Variants in STK36 observed in about 807,000 individuals in gnomAD.
STK36 encodes serine/threonine-protein kinase 36.
In STK36, 116 loss-of-function variants were observed where a neutral mutation model predicts 142.2. That is an observed-to-expected ratio of 0.82 (90% confidence interval 0.70 to 0.95). The LOEUF (loss-of-function observed/expected upper bound fraction) is 0.95. Among genes scored for constraint, STK36 ranks in the 40% least tolerant of loss-of-function variants. The pLI is 0.00. For synonymous variants in STK36, 619 were observed against 641.7 expected (o/e 0.96, Z 0.53); for missense variants, 1,422 against 1,617.2 (o/e 0.88, Z 2.07).
At chr2:218,690,195 G>C (rs1575135557) in intron 13 of STK36, among the ~76,000 whole-genome samples, 1 of 152,040 alleles carries the variant, frequency 6.6e-6, no homozygotes, top group African/African-American at 2.4e-5. Flanking sequence ...GAAGGGTCAA[G>C]ATGTGAATAA....
At chr2:218,697,284 G>C (rs932025806) in intron 23 of STK36, 71 bp downstream of exon 23, 4 of 1,551,128 alleles carry the variant, frequency 2.6e-6, no homozygotes, top group Non-Finnish European at 3.5e-6. Context: ...CCAGAACTGG[G>C]TTAACCCACA....
In STK36 at chr2:218,680,641, C is replaced by A. The variant is rs182802543; in HGVS notation, c.1175C>A (p.Pro392Gln). Reference protein sequence around the residue: ...RTTPDCERAFPEERPEVLGQR... With the variant: ...RTTPDCERAFQEERPEVLGQR... Reference sequence around the variant, plus strand: ...ACCCCAGATTGTGAACGAGCATTCCCAGAGGAGAGGCCAGAGGTGCTGGGC... The same window carrying A: ...ACCCCAGATTGTGAACGAGCATTCCAAGAGGAGAGGCCAGAGGTGCTGGGC... Residue 392 changes from proline (P) to glutamine (Q), a missense_variant, in exon 10 of 27, where the codon CCA becomes CAA. Coordinates refer to ENST00000295709, the MANE Select transcript of STK36 (RefSeq NM_015690.5). The A allele has an allele frequency of 4.3e-6, 7 of 1,613,662 alleles. No homozygotes were observed. The South Asian group carries it at 4.4e-5, about 10-fold the overall frequency.
At chr2:218,679,785 G>T in intron 8 of STK36, 56 bp downstream of exon 8, 1 of 1,610,888 alleles carries the variant, frequency 6.2e-7, no homozygotes, top group Non-Finnish European at 8.5e-7. Flanking sequence ...TGGGGAGTTA[G>T]AGGAGGAGGG....
intron 14 of STK36, among the ~76,000 whole-genome samples, chr2:218,691,240 A>G (rs1371910193): frequency 1.3e-5 from 2 of 152,198 alleles, no homozygotes; most frequent in African/African-American, 2.4e-5. Context: ...ATATATTTGT[A>G]AGGAAGTAAA....
At chr2:218,686,092 C>T (rs1940764910) in intron 11 of STK36, among the ~76,000 whole-genome samples, 1 of 151,986 alleles carries the variant, frequency 6.6e-6, no homozygotes, top group South Asian at 2.1e-4. Context: ...GCTCGTGCCA[C>T]CACGCCCGGT....
intron 10 of STK36, 112 bp downstream of exon 10, chr2:218,680,814 G>A (rs1940484036): frequency 7.7e-6 from 6 of 779,422 alleles, no homozygotes; most frequent in Middle Eastern, 2.8e-4. Flanking sequence ...CTCCCTTTGT[G>A]TTAAAAAGTA....
intron 16 of STK36, among the ~76,000 whole-genome samples, 158 bp from the exon 17 acceptor site, chr2:218,693,082 G>A (rs1156784079): frequency 6.6e-6 from 1 of 152,172 alleles, no homozygotes; most frequent in Non-Finnish European, 1.5e-5. Flanking sequence ...GTTCTCTATT[G>A]GTGATGAAGA....
intron 6 of STK36, among the ~76,000 whole-genome samples, chr2:218,677,733 T>C (rs139759839): frequency 5.3e-5 from 8 of 152,324 alleles, no homozygotes; most frequent in Non-Finnish European, 4.4e-5. Context: ...TGCCTACTCA[T>C]TGTGACTAAG....
intron 11 of STK36, among the ~76,000 whole-genome samples, chr2:218,687,123 T>A (rs905168294): frequency 6.6e-6 from 1 of 152,276 alleles, no homozygotes; most frequent in African/African-American, 2.4e-5. Context: ...GTTATTGAGT[T>A]GTAAGACTTC....
intron 2 of STK36, 62 bp from the exon 3 acceptor site, chr2:218,673,563 T>C (rs1360264788): frequency 6.5e-7 from 1 of 1,544,890 alleles, no homozygotes; most frequent in Non-Finnish European, 8.7e-7. Context: ...AGATTAAGGC[T>C]GAAATTCTAG....
In STK36 at chr2:218,694,663, A is replaced by G. The variant is rs1206794793; in HGVS notation, c.2511+28A>G. On this transcript the variant is annotated intron_variant, in intron 21 of 26. Coordinates refer to ENST00000295709, the MANE Select transcript of STK36 (RefSeq NM_015690.5). This position sits in a 1 kb window ranked among gnomAD's most constrained non-coding sequence, Gnocchi z 4.4. ...GAGGCCCCCCAGGGAGGGCACAGACATGTTTTCTCTGAGTCAGACACTAGG... is the reference window on the plus strand; with the variant it reads ...GAGGCCCCCCAGGGAGGGCACAGACGTGTTTTCTCTGAGTCAGACACTAGG... The G allele has an allele frequency of 6.3e-7, 1 of 1,594,288 alleles. No homozygotes were observed. Among genetic ancestry groups the G allele is most frequent in the Non-Finnish European group, 8.6e-7 (1 of 1,162,148 alleles).
intron 24 of STK36, 119 bp downstream of exon 24, chr2:218,697,729 G>C (rs1180016861): frequency 6.3e-7 from 1 of 1,586,878 alleles, no homozygotes; most frequent in African/African-American, 1.3e-5. Context: ...TCAGGTTTAG[G>C]CTGGAAACCT....
chr2:218,678,341 C>T (rs1940351424), intron 6 of STK36, among the ~76,000 whole-genome samples: 1 of 152,128 alleles, frequency 6.6e-6, no homozygotes, highest in Non-Finnish European at 1.5e-5. Context: ...TGTAGCTTTG[C>T]TTTATCTGAG....
chr2:218,677,218 C>T (rs1235627697), intron 6 of STK36, among the ~76,000 whole-genome samples: 1 of 152,238 alleles, frequency 6.6e-6, no homozygotes, highest in Non-Finnish European at 1.5e-5. Context: ...TAGGCTTGAG[C>T]CACTGCACCC....
In STK36 at chr2:218,699,194, G is replaced by A; in HGVS notation, c.3650G>A (p.Gly1217Asp). The change falls in exon 26 of 27, where the codon GGC becomes GAC. Residue 1217 changes from glycine (G) to aspartate (D), a missense_variant. Transcript: ENST00000295709. ...CGGCGCAATGTTGCATCAGCTCTGG[G>A]CAACTTGGGACCTGAAGGTTTGGGA... ...GIRRNVASALGNLGPEGLGEE... is the reference protein window; with the variant it reads ...GIRRNVASALDNLGPEGLGEE... The A allele has an allele frequency of 6.2e-7, 1 of 1,614,090 alleles. No individual in the cohort carries two copies. Among genetic ancestry groups the A allele is most frequent in the South Asian group, 1.1e-5 (1 of 91,082 alleles).
chr2:218,692,638 C>G lies in STK36; in HGVS notation c.1971C>G (p.Ala657=). The G allele has an allele frequency of 1.2e-6, 2 of 1,613,812 alleles. No individual in the cohort carries two copies. The highest frequency in any genetic ancestry group is 1.1e-5 in the South Asian group (1 of 91,066). The change falls in exon 16 of 27, where the codon GCC becomes GCG. Residue 657 remains alanine, a synonymous_variant. Coordinates refer to ENST00000295709, the MANE Select transcript of STK36 (RefSeq NM_015690.5). ...AGCAGAGTGAGGATATACCTGGAGCCATTTCCTCTGCCCTGGCAGCCATAT... is the reference window on the plus strand; with the variant it reads ...AGCAGAGTGAGGATATACCTGGAGCGATTTCCTCTGCCCTGGCAGCCATAT... ...LREQSEDIPG[A]ISSALAAICT...
intron 9 of STK36, 121 bp downstream of exon 9, chr2:218,680,201 G>C (rs532778500): frequency 4.4e-6 from 4 of 900,008 alleles, no homozygotes; most frequent in Non-Finnish European, 6.8e-6. Flanking sequence ...ATAGAGCCTC[G>C]AGAGTCTGAG....
At position 218,685,164 on chromosome 2, in the gene STK36, C is replaced by A. The variant is rs1940720834; in HGVS notation, c.1316C>A (p.Thr439Asn). Residue 439 changes from threonine to asparagine, a missense_variant, in exon 11 of 27, where the codon ACC becomes AAC. Physicochemically the swap from Thr to Asn is moderately conservative, Grantham distance 65. Coordinates refer to ENST00000295709, the MANE Select transcript of STK36 (RefSeq NM_015690.5). ...CCTATTCAACTGAAGGCTCCTCTCA[C>A]CTTGCTGTGTAATCCTGACTTCTGC... ...PVPIQLKAPL[T>N]LLCNPDFCQR... 6.2e-7 allele frequency: 1 copy of A among 1,614,206 alleles called. No individual in the cohort carries two copies. Among genetic ancestry groups the A allele is most frequent in the East Asian group, 2.2e-5 (1 of 44,882 alleles).
intron 21 of STK36, 71 bp from the exon 22 acceptor site, chr2:218,696,456 T>G: frequency 7.4e-7 from 1 of 1,349,830 alleles, no homozygotes; most frequent in Non-Finnish European, 1.1e-6. Flanking sequence ...GCACCATCAC[T>G]GACCTGCCTT....
Sources: allele counts gnomAD v4.1 joint callset (sites outside exome capture counted in the v4.1 genomes callset), GRCh38; gene constraint gnomAD v4.1.1; non-coding constraint Gnocchi (gnomAD v3.1); transcripts MANE v1.5; gene names NCBI Gene and HGNC (gene_info 2026-07-23, HGNC 2026-07-21).